The following CARD14 variants were observed in gnomAD, a reference collection of about 807,000 sequenced individuals.
The protein encoded by CARD14 is caspase recruitment domain-containing protein 14.
Under a neutral mutation model 111.5 loss-of-function variants are expected in CARD14, and 107 were observed. The observed-to-expected ratio is 0.96, with a 90% CI of 0.82 to 1.13. The LOEUF (loss-of-function observed/expected upper bound fraction) is 1.13, where lower values mean the gene tolerates loss of function less well. Ranked by LOEUF, CARD14 falls within the 50% of genes most tolerant of loss-of-function variation. The pLI, the probability that CARD14 is intolerant of heterozygous loss-of-function variation, is 0.00. For missense variants in CARD14, 1,322 were observed against 1,362.3 expected (o/e 0.97, Z 0.47); for synonymous variants, 617 against 579.6 (o/e 1.06, Z -0.93).
Position 80,195,187 on chromosome 17 carries a change from C to G in CARD14, c.1357-4C>G. ...CCCACTGACTTCTGCCCTCCCTCCT[C>G]CAGTCTCAGCTCTTGTCGGACCTGA... On this transcript the variant is annotated splice_region_variant and splice_polypyrimidine_tract_variant and intron_variant, in intron 12 of 23. Transcript: ENST00000648509. The surrounding 1 kb of genome is among the most constrained non-coding windows in gnomAD (Gnocchi z 4.7). 2 of 1,596,418 alleles carry G rather than the reference C, an allele frequency of 1.3e-6. No individual in the cohort carries two copies. The highest frequency in any genetic ancestry group is 2.0e-4 in the Middle Eastern group (1 of 5,034).
Position 80,198,617 on chromosome 17 carries a change from C to A in CARD14, c.1851+26C>A. On this transcript the variant is annotated intron_variant, in intron 16 of 23. Transcript: ENST00000648509. The surrounding 1 kb of genome is among the most constrained non-coding windows in gnomAD (Gnocchi z 7.5). ...GTGAGCCGTGCGAGGCCCCTCCTGT[C>A]CCCCGGGCTCCTCATGGGGACAGTG... 6.2e-7 allele frequency: 1 copy of A among 1,610,390 alleles called. No homozygotes were observed. The highest frequency in any genetic ancestry group is 8.5e-7 in the Non-Finnish European group (1 of 1,179,372).
intron 7 of CARD14, among the ~76,000 whole-genome samples, chr17:80,186,288 GT>G (rs796398986): frequency 3.7e-4 from 56 of 152,306 alleles, no homozygotes; most frequent in African/African-American, 1.3e-3. Flanking sequence ...GGCTGACTCT[GT>G]TCTTGGCGCA....
intron 6 of CARD14, among the ~76,000 whole-genome samples, chr17:80,183,268 A>C (rs1239800966): frequency 1.3e-5 from 2 of 152,254 alleles, no homozygotes; most frequent in East Asian, 3.9e-4. Context: ...GAGTAATTCT[A>C]GGCTTCCCTG....
intron 14 of CARD14, chr17:80,196,226 G>A (rs943757155): frequency 6.6e-6 from 1 of 152,398 alleles, no homozygotes; most frequent in African/African-American, 2.4e-5. Context: ...CTTGCACACA[G>A]TAGGTGCTTT....
At chr17:80,179,411 C>G (rs2040100957) in intron 4 of CARD14, 110 bp downstream of exon 4, 1 of 152,212 alleles carries the variant, frequency 6.6e-6, no homozygotes, top group Non-Finnish European at 1.5e-5. Flanking sequence ...GCCGTACAGC[C>G]TTGCACAGAA....
rs769052891 is a variant in CARD14, at chr17:80,204,384, G to A, written c.2398+43G>A. 48 of 1,501,260 alleles carry A rather than the reference G, an allele frequency of 3.2e-5. No homozygotes were observed. The South Asian group carries it at 5.6e-4, about 18-fold the overall frequency. 93.0% of individuals were successfully genotyped at this position (1,501,260 alleles called of 1,614,324 possible). ...GGCACAGGGGCCACTGGCTCCAAGT[G>A]GGTGAGGGGCTTTGGGAGCTGCTGC... On this transcript the variant is annotated intron_variant, in intron 20 of 23. Coordinates refer to ENST00000648509, the MANE Select transcript of CARD14 (RefSeq NM_001366385.1).
rs1447859509 is a variant in CARD14, at chr17:80,195,532, A to G, written c.1500-26A>G. 2 of 1,597,290 alleles carry G rather than the reference A, an allele frequency of 1.3e-6. No individual in the cohort carries two copies. Among genetic ancestry groups the G allele is most frequent in the South Asian group, 2.2e-5 (2 of 89,570 alleles). Reference sequence around the variant, plus strand: ...CAGAGGGAGCAGGTGATGCAGTTTGAGCCTGCTGCTGCTTATGCTTTGCAG... The same window carrying G: ...CAGAGGGAGCAGGTGATGCAGTTTGGGCCTGCTGCTGCTTATGCTTTGCAG... On this transcript the variant is annotated intron_variant, in intron 13 of 23. Coordinates refer to ENST00000648509, the MANE Select transcript of CARD14 (RefSeq NM_001366385.1). The surrounding 1 kb of genome is among the most constrained non-coding windows in gnomAD (Gnocchi z 4.7).
Position 80,209,118 on chromosome 17 carries a change from C to G in CARD14, c.*773C>G, listed in dbSNP as rs2041515708. The G allele has an allele frequency of 2.3e-5, 4 of 177,272 alleles. No homozygotes were observed. Among genetic ancestry groups the G allele is most frequent in the Non-Finnish European group, 4.4e-5 (4 of 91,038 alleles). 11.0% of individuals were successfully genotyped at this position (177,272 alleles called of 1,614,324 possible). On this transcript the variant is annotated 3_prime_UTR_variant, in exon 24 of 24. Transcript: ENST00000648509. ...GCACCCCAGCCCTTCTTGGGCCAAA[C>G]ATCTTTACTCCACCTTCAGGGCTCG...
At chr17:80,204,560 G>A in intron 20 of CARD14, 1 of 463,658 alleles carries the variant, frequency 2.2e-6, no homozygotes, top group Non-Finnish European at 3.9e-6. Flanking sequence ...GGAGGCAGAG[G>A]TGGCAGTGAG....
At chr17:80,171,832 AG>A (rs1283542900) in intron 1 of CARD14, among the ~76,000 whole-genome samples, 5 of 152,202 alleles carry the variant, frequency 3.3e-5, no homozygotes, top group Non-Finnish European at 7.3e-5. Flanking sequence ...GGGCACAGTC[AG>A]CACCCTCAGA....
chr17:80,186,924 C>A (rs2040363048), intron 7 of CARD14, among the ~76,000 whole-genome samples: 2 of 152,272 alleles, frequency 1.3e-5, no homozygotes, highest in South Asian at 4.2e-4. Flanking sequence ...GCTTCTCAGC[C>A]CTTTCAGGGG....
chr17:80,194,708 A>G (rs999644634), intron 12 of CARD14, among the ~76,000 whole-genome samples: 1 of 152,172 alleles, frequency 6.6e-6, no homozygotes, highest in Non-Finnish European at 1.5e-5. Flanking sequence ...AGTGCTCAGC[A>G]AAGGGGGAAG....
chr17:80,192,614 A>G lies in CARD14; in HGVS notation c.1351A>G (p.Thr451Ala). Reference sequence around the variant, plus strand: ...CAGCGACTGCAGCCTCGTCAGCTCCACAGAGGTACGGCCGCTCCTCCCGCC... The same window carrying G: ...CAGCGACTGCAGCCTCGTCAGCTCCGCAGAGGTACGGCCGCTCCTCCCGCC... ...DDSDCSLVSS[T>A]ESQLLSDLSA... is the part of the protein sequence containing the mutation. Residue 451 changes from threonine to alanine, a missense_variant, in exon 12 of 24, where the codon ACA (threonine) becomes GCA (alanine). Coordinates refer to ENST00000648509, the MANE Select transcript of CARD14 (RefSeq NM_001366385.1). 6.2e-7 allele frequency: 1 copy of G among 1,610,820 alleles called. No homozygotes were observed. Among genetic ancestry groups the G allele is most frequent in the Non-Finnish European group, 8.5e-7 (1 of 1,177,836 alleles).
chr17:80,206,156 ACAGCCTCATTTAG>A (rs1187162543), intron 22 of CARD14, among the ~76,000 whole-genome samples: 1 of 152,204 alleles, frequency 6.6e-6, no homozygotes, highest in Non-Finnish European at 1.5e-5. Flanking sequence ...TGCATAGCAC[ACAGCCTCATTTAG>A]AAAGTGGCAA....
chr17:80,184,253 T>G lies in CARD14; in HGVS notation c.675+15T>G, dbSNP rs1162742771. The G allele has an allele frequency of 6.7e-7, 1 of 1,497,352 alleles. No individual in the cohort carries two copies. The highest frequency in any genetic ancestry group is 8.9e-7 in the Non-Finnish European group (1 of 1,118,030). The allele number at this position is 1,497,352 out of a possible 1,614,324, so 92.8% of individuals were successfully genotyped here. ...TGCAGGAGGAGGTAGGGGGACACCCTGCACCCCGGCGCGACCCTGCTGTCG... is the reference window on the plus strand; with the variant it reads ...TGCAGGAGGAGGTAGGGGGACACCCGGCACCCCGGCGCGACCCTGCTGTCG... On this transcript the variant is annotated intron_variant, in intron 7 of 23. Transcript: ENST00000648509.
intron 1 of CARD14, among the ~76,000 whole-genome samples, chr17:80,172,356 C>A (rs1244721695): frequency 6.6e-6 from 1 of 152,240 alleles, no homozygotes; most frequent in Non-Finnish European, 1.5e-5. Context: ...ATGCTGCACT[C>A]TCCTTCACTA....
rs781101097 is a variant in CARD14 at position 80,183,996 on chromosome 17, C to A, written c.433C>A (p.Gln145Lys). ...GGAGGAGCTGAACCAGGAAAAGGGG[C>A]AGAAGGAGGTGCTGCTGCGGCGGTG... ...LQEELNQEKG[Q>K]KEVLLRRCQQ... Residue 145 changes from glutamine to lysine, a missense_variant, in exon 7 of 24, where the codon CAG becomes AAG. Transcript: ENST00000648509. 51 of 1,587,808 alleles carry A rather than the reference C, an allele frequency of 3.2e-5. No homozygotes were observed. In the Middle Eastern group the frequency reaches 5.0e-4, roughly 16 times the overall value.
At chr17:80,177,636 A>G (rs2040057626) in intron 2 of CARD14, among the ~76,000 whole-genome samples, 1 of 152,192 alleles carries the variant, frequency 6.6e-6, no homozygotes, top group South Asian at 2.1e-4. Context: ...CAAAGGTTGC[A>G]GTGAGCCAAG....
At chr17:80,181,358 C>A in intron 4 of CARD14, 61 bp from the exon 5 acceptor site, 3 of 1,295,466 alleles carry the variant, frequency 2.3e-6, no homozygotes, top group Non-Finnish European at 3.2e-6. Context: ...AACGGTGTCA[C>A]CCTGGCTATC....
Sources: gnomAD v4.1 joint callset for allele counts (sites outside exome capture counted in the v4.1 genomes callset) on GRCh38, gnomAD v4.1.1 for gene constraint, Gnocchi (gnomAD v3.1) non-coding constraint, MANE v1.5 for transcripts, NCBI Gene and HGNC (gene_info 2026-07-23, HGNC 2026-07-21) for gene names.